GSE1: variants seen among roughly 807,000 people sequenced by gnomAD.
GSE1 encodes the protein genetic suppressor element 1.
In GSE1, 32 loss-of-function variants were observed where a neutral mutation model predicts 112.6. The observed-to-expected ratio is 0.28, with a 90% CI of 0.21 to 0.38. The LOEUF is 0.38. Ranked by LOEUF, GSE1 falls within the 10% of genes least tolerant of loss-of-function variation. The pLI, the probability that GSE1 is intolerant of heterozygous loss-of-function variation, is 1.00. For missense variants in GSE1, 2,348 were observed against 1,699.2 expected (o/e 1.38, Z -6.71); for synonymous variants, 1,115 against 735.6 (o/e 1.52, Z -8.35).
intron 2 of GSE1, among the ~76,000 whole-genome samples, chr16:85,376,767 G>C (rs1227656532): frequency 6.6e-6 from 1 of 152,222 alleles, no homozygotes; most frequent in Non-Finnish European, 1.5e-5. Context: ...TTGCTGGGCA[G>C]AGAGCAGGGG....
At chr16:85,652,912 C>T (rs2051495337) in intron 3 of GSE1, among the ~76,000 whole-genome samples, 5 of 151,874 alleles carry the variant, frequency 3.3e-5, no homozygotes, top group Non-Finnish European at 7.4e-5. Flanking sequence ...AGGAGCACTG[C>T]CCGCTGATCA....
At chr16:85,541,260 C>A (rs940501917) in intron 2 of GSE1, among the ~76,000 whole-genome samples, 2 of 152,198 alleles carry the variant, frequency 1.3e-5, no homozygotes, top group Non-Finnish European at 2.9e-5. Context: ...CTGCCAGCTG[C>A]AAGAGGACAG....
chr16:85,598,449 C>T (rs1468354326), intron 1 of GSE1, among the ~76,000 whole-genome samples: 1 of 152,168 alleles, frequency 6.6e-6, no homozygotes, highest in Non-Finnish European at 1.5e-5. Flanking sequence ...TGGTATCCTG[C>T]CTCCAAACGA....
At chr16:85,231,386 TGATG>T (rs1387101452) in intron 1 of GSE1, among the ~76,000 whole-genome samples, 2 of 138,790 alleles carry the variant, frequency 1.4e-5, no homozygotes, top group Non-Finnish European at 3.1e-5. Flanking sequence ...GGATGGATGA[TGATG>T]GATGGATAGC....
At chr16:85,269,567 C>T (rs1908617940) in intron 1 of GSE1, among the ~76,000 whole-genome samples, 1 of 149,198 alleles carries the variant, frequency 6.7e-6, no homozygotes, top group Non-Finnish European at 1.5e-5. Context: ...GGGCTGGGGA[C>T]CCAGGACAGA....
intron 2 of GSE1, among the ~76,000 whole-genome samples, chr16:85,420,529 C>T (rs1443275390): frequency 6.6e-6 from 1 of 152,126 alleles, no homozygotes; most frequent in Non-Finnish European, 1.5e-5. Context: ...GGGGGTGGCA[C>T]CATTGCTCTC....
At chr16:85,442,970 C>T (rs1481913510) in intron 2 of GSE1, among the ~76,000 whole-genome samples, 1 of 152,200 alleles carries the variant, frequency 6.6e-6, no homozygotes, top group East Asian at 1.9e-4. Flanking sequence ...ATCACCCTGA[C>T]CCCTGGCTCC....
intron 1 of GSE1, among the ~76,000 whole-genome samples, chr16:85,631,010 TG>T (rs149931863): frequency 2.6e-5 from 4 of 152,054 alleles, no homozygotes; most frequent in Non-Finnish European, 5.9e-5. Flanking sequence ...CAGTATCCCC[TG>T]GGGGGGTGGT....
intron 1 of GSE1, among the ~76,000 whole-genome samples, chr16:85,209,811 G>A (rs1239410544): frequency 6.6e-6 from 1 of 152,218 alleles, no homozygotes; most frequent in Non-Finnish European, 1.5e-5. Context: ...CGCTGGGAGA[G>A]GGTTAGGGGT....
intron 2 of GSE1, among the ~76,000 whole-genome samples, chr16:85,511,351 A>T (rs999042074): frequency 2.6e-5 from 4 of 152,020 alleles, no homozygotes; most frequent in Non-Finnish European, 4.4e-5. Context: ...ACATGGAGAA[A>T]CCCTGTCTCT....
chr16:85,187,099 C>T (rs1398013442), intron 1 of GSE1, among the ~76,000 whole-genome samples: 1 of 152,190 alleles, frequency 6.6e-6, no homozygotes, highest in Non-Finnish European at 1.5e-5. Flanking sequence ...TGAGGTGCCT[C>T]TTGTTTCTGT....
At chr16:85,585,371 G>A (rs559660221) in intron 1 of GSE1, among the ~76,000 whole-genome samples, 1 of 152,214 alleles carries the variant, frequency 6.6e-6, no homozygotes, top group Non-Finnish European at 1.5e-5. Flanking sequence ...CGGTTCTTCT[G>A]TATGGCAGCC....
chr16:85,471,685 A>C (rs554483563), intron 2 of GSE1, among the ~76,000 whole-genome samples: 254 of 151,920 alleles, frequency 1.7e-3, no homozygotes, highest in Non-Finnish European at 2.9e-3. Context: ...GATTACAGAC[A>C]TGAGCCACTG....
chr16:85,404,350 C>T (rs111354878), intron 2 of GSE1, among the ~76,000 whole-genome samples: 30 of 36,788 alleles, frequency 8.2e-4, no homozygotes, highest in South Asian at 3.7e-3. Flanking sequence ...TAATCCTCAC[C>T]GTTACACTCA....
At chr16:85,307,318 C>G (rs1458141740) in intron 1 of GSE1, among the ~76,000 whole-genome samples, 1 of 152,218 alleles carries the variant, frequency 6.6e-6, no homozygotes, top group African/African-American at 2.4e-5. Flanking sequence ...GGTTTAACCA[C>G]CTGCGACGTT....
At chr16:85,280,533 C>T (rs1026447443) in intron 1 of GSE1, among the ~76,000 whole-genome samples, 1 of 152,170 alleles carries the variant, frequency 6.6e-6, no homozygotes, top group Non-Finnish European at 1.5e-5. Flanking sequence ...GTAGCTGGGA[C>T]TACAGGCGCC....
At chr16:85,623,440 C>A (rs2048866702) in intron 1 of GSE1, among the ~76,000 whole-genome samples, 1 of 152,196 alleles carries the variant, frequency 6.6e-6, no homozygotes, top group Admixed American at 6.5e-5. Context: ...GAGGCTCAGG[C>A]CATGCGGTGC....
At chr16:85,430,690 G>A (rs923536946) in intron 2 of GSE1, among the ~76,000 whole-genome samples, 2 of 152,256 alleles carry the variant, frequency 1.3e-5, no homozygotes, top group African/African-American at 4.8e-5. Flanking sequence ...TACGGGCTGG[G>A]CACAGGGCGG....
chr16:85,364,431 G>A (rs66920235), intron 2 of GSE1, among the ~76,000 whole-genome samples: 55,580 of 152,048 alleles, frequency 0.37, 10,422 homozygotes, highest in East Asian at 0.56. Flanking sequence ...AGGCTGCAGG[G>A]ATTGGGATGT....
Sources: gnomAD v4.1 joint callset for allele counts (sites outside exome capture counted in the v4.1 genomes callset) on GRCh38, gnomAD v4.1.1 for gene constraint, MANE v1.5 for transcripts, NCBI Gene and HGNC (gene_info 2026-07-23, HGNC 2026-07-21) for gene names.